DDX53: variants seen among roughly 807,000 people sequenced by gnomAD.
DDX53 encodes DEAD box protein 53.
For missense variants in DDX53, 481 were observed against 485.1 expected, an observed-to-expected ratio of 0.99 and a Z score of 0.08; for synonymous variants, 179 against 170.8, an observed-to-expected ratio of 1.05 and a Z score of -0.37.
chrX:23,000,310 A>G lies in DDX53; in HGVS notation c.253A>G (p.Ile85Val), dbSNP rs757593825. 1 of 1,206,755 alleles carries G rather than the reference A, an allele frequency of 8.3e-7. No homozygotes were observed. Among genetic ancestry groups the G allele is most frequent in the Non-Finnish European group, 1.1e-6 (1 of 893,903 alleles). Reference sequence around the variant, plus strand: ...TTCGACAAACACTAAAATACAGATCATAAACGGGGAATCTGAAGCAAAAGT... The same window carrying G: ...TTCGACAAACACTAAAATACAGATCGTAAACGGGGAATCTGAAGCAAAAGT... ...QHSTNTKIQI[I>V]NGESEAKVRI... Residue 85 changes from isoleucine to valine, a missense_variant, in exon 1 of 1, where the codon ATA (isoleucine) becomes GTA (valine). By Grantham distance (29) the Ile-to-Val change is conservative. Coordinates refer to ENST00000327968, the MANE Select transcript of DDX53 (RefSeq NM_182699.4).
rs2147256518 is a variant in DDX53 at position 23,001,716 on chromosome X, C to A, written c.1659C>A (p.His553Gln). Residue 553 changes from histidine (H) to glutamine (Q), a missense_variant, in exon 1 of 1, where the codon CAC (histidine) becomes CAA (glutamine). Physicochemically the swap from His to Gln is conservative, Grantham distance 24. Coordinates refer to ENST00000327968, the MANE Select transcript of DDX53 (RefSeq NM_182699.4). ...DFPRNIDVYV[H>Q]RVGYIGRTGK... ...CAAGGAATATTGACGTATATGTACA[C>A]AGAGTAGGGTACATTGGACGGACAG... 8.3e-7 allele frequency: 1 copy of A among 1,210,766 alleles called. No homozygotes were observed. Among genetic ancestry groups the A allele is most frequent in the Non-Finnish European group, 1.1e-6 (1 of 894,865 alleles).
chrX:23,002,005 A>G lies in DDX53; in HGVS notation c.*52A>G. 1.0e-6 allele frequency: 1 copy of G among 983,856 alleles called. No individual in the cohort carries two copies. Among genetic ancestry groups the G allele is most frequent in the South Asian group, 2.5e-5 (1 of 39,302 alleles). 81.1% of individuals were successfully genotyped at this position (983,856 alleles called of 1,213,427 possible). The stretch of plus-strand genomic sequence containing the variant: ...TCCAGGCATGTTAAAGATATGCAGT[A>G]TTGAATATATGTAAGGAAGTATTGG... On this transcript the variant is annotated 3_prime_UTR_variant, in exon 1 of 1. Coordinates refer to ENST00000327968, the MANE Select transcript of DDX53 (RefSeq NM_182699.4).
chrX:23,001,355 T>A lies in DDX53; in HGVS notation c.1298T>A (p.Leu433Gln). 8.3e-7 allele frequency: 1 copy of A among 1,211,214 alleles called. No homozygotes were observed. The highest frequency in any genetic ancestry group is 1.8e-5 in the South Asian group (1 of 56,892). The change falls in exon 1 of 1, where the codon CTG becomes CAG. Residue 433 changes from leucine to glutamine, a missense_variant. Coordinates refer to ENST00000327968, the MANE Select transcript of DDX53 (RefSeq NM_182699.4). ...CCTATGATTGTTTATGTTGGTAATC[T>A]GAATCTAGTGGCTGTAAATACAGTG... ...KDPMIVYVGN[L>Q]NLVAVNTVKQ... is the part of the protein sequence containing the mutation.
chrX:23,000,985 C>T lies in DDX53; in HGVS notation c.928C>T (p.Leu310Phe). The part of the protein sequence containing the change: ...LVLTPTRELA[L>F]HVEAECSKYS... ...CCTTACACCCACTAGAGAGTTGGCT[C>T]TTCACGTGGAAGCTGAATGTTCAAA... is the stretch of plus-strand genomic sequence containing the variant. The change falls in exon 1 of 1, where the codon CTT becomes TTT. Residue 310 changes from leucine (L) to phenylalanine (F), a missense_variant. Physicochemically the swap from Leu to Phe is conservative, Grantham distance 22 (BLOSUM62 0). Coordinates refer to ENST00000327968, the MANE Select transcript of DDX53 (RefSeq NM_182699.4). 8.3e-7 allele frequency: 1 copy of T among 1,208,571 alleles called. No individual in the cohort carries two copies. The highest frequency in any genetic ancestry group is 1.1e-6 in the Non-Finnish European group (1 of 894,062).
rs762814547 is a variant in DDX53 at position 23,002,709 on chromosome X, T to C, written c.*756T>C. ...TCTCAAAAATGAGAGAGTGAGAGAC[T>C]ATGTGAAGAGAAAGTAAATGTTATG... On this transcript the variant is annotated 3_prime_UTR_variant, in exon 1 of 1. Coordinates refer to ENST00000327968, the MANE Select transcript of DDX53 (RefSeq NM_182699.4). The C allele has an allele frequency of 1.7e-5, 2 of 120,573 alleles. No individual in the cohort carries two copies. Among genetic ancestry groups the C allele is most frequent in the South Asian group, 8.1e-4 (2 of 2,477 alleles). The allele number at this position is 120,573 out of a possible 1,213,427, so 9.9% of individuals were successfully genotyped here.
Position 23,001,652 on chromosome X carries a change from A to C in DDX53, c.1595A>C (p.Asp532Ala), listed in dbSNP as rs1268310939. ...ACTGATATAGTATCCCGAGGTCTTG[A>C]TCTTAATGATGTCACACATGTATAT... Reference protein sequence around the residue: ...ITTDIVSRGLDLNDVTHVYNY... With the variant: ...ITTDIVSRGLALNDVTHVYNY... Residue 532 changes from aspartate (D) to alanine (A), a missense_variant, in exon 1 of 1, where the codon GAT (aspartate) becomes GCT (alanine). By Grantham distance (126) the Asp-to-Ala change is moderately radical. Transcript: ENST00000327968. 7.4e-6 allele frequency: 9 copies of C among 1,211,529 alleles called. No homozygotes were observed. Among genetic ancestry groups the C allele is most frequent in the Non-Finnish European group, 1.0e-5 (9 of 895,291 alleles).
chrX:23,001,362 A>C lies in DDX53; in HGVS notation c.1305A>C (p.Leu435=). ...PMIVYVGNLN[L]VAVNTVKQNI... is the part of the protein sequence containing the mutation. ...TTGTTTATGTTGGTAATCTGAATCT[A>C]GTGGCTGTAAATACAGTGAAGCAAA... Residue 435 remains leucine, a synonymous_variant, in exon 1 of 1, where the codon CTA becomes CTC. Transcript: ENST00000327968. The C allele has an allele frequency of 2.5e-6, 3 of 1,211,089 alleles. No individual in the cohort carries two copies. The highest frequency in any genetic ancestry group is 3.4e-6 in the Non-Finnish European group (3 of 894,915).
rs1346537175 is a variant in DDX53, at chrX:23,000,794, C to T, written c.737C>T (p.Thr246Met). ...ATAAGGGTAGGGATTGTAAAGCCAA[C>T]GCCAATTCAGTCACAGGCATGGCCA... ...SIIRVGIVKP[T>M]PIQSQAWPII... Residue 246 changes from threonine to methionine, a missense_variant, in exon 1 of 1, where the codon ACG becomes ATG. Physicochemically the swap from Thr to Met is moderately conservative, Grantham distance 81. Coordinates refer to ENST00000327968, the MANE Select transcript of DDX53 (RefSeq NM_182699.4). 6 of 1,210,406 alleles carry T rather than the reference C, an allele frequency of 5.0e-6. No homozygotes were observed. The highest frequency in any genetic ancestry group is 5.6e-6 in the Non-Finnish European group (5 of 895,290).
Position 23,002,070 on chromosome X carries a change from T to C in DDX53, c.*117T>C, listed in dbSNP as rs1933823737. 1.9e-5 allele frequency: 11 copies of C among 573,901 alleles called. No individual in the cohort carries two copies. In the East Asian group the frequency reaches 4.2e-4, roughly 22 times the overall value. The allele number at this position is 573,901 out of a possible 1,213,427, so 47.3% of individuals were successfully genotyped here. On this transcript the variant is annotated 3_prime_UTR_variant, in exon 1 of 1. Coordinates refer to ENST00000327968, the MANE Select transcript of DDX53 (RefSeq NM_182699.4). The stretch of plus-strand genomic sequence containing the variant: ...TTTGAAGACATAACTAATTCTTAAA[T>C]AATACTGCTAAACTTTCAATATTGT...
In DDX53 at chrX:23,001,277, G is replaced by A; in HGVS notation, c.1220G>A (p.Ser407Asn). ...VRPDRQTVMT[S>N]ATWPDTVRQL... ...CCAGACCGACAGACTGTTATGACAA[G>A]TGCAACTTGGCCAGATACTGTACGT... The change falls in exon 1 of 1, where the codon AGT becomes AAT. Residue 407 changes from serine to asparagine, a missense_variant. Physicochemically the swap from Ser to Asn is conservative, Grantham distance 46. Coordinates refer to ENST00000327968, the MANE Select transcript of DDX53 (RefSeq NM_182699.4). 8.3e-7 allele frequency: 1 copy of A among 1,211,762 alleles called. No homozygotes were observed. The highest frequency in any genetic ancestry group is 1.7e-5 in the African/African-American group (1 of 57,896).
rs1291512595 is a variant in DDX53 at position 23,001,640 on chromosome X, C to T, written c.1583C>T (p.Ser528Phe). 1.1e-5 allele frequency: 13 copies of T among 1,209,261 alleles called. No individual in the cohort carries two copies. In the East Asian group the frequency reaches 1.2e-4, roughly 11 times the overall value. The change falls in exon 1 of 1, where the codon TCC becomes TTC. Residue 528 changes from serine to phenylalanine, a missense_variant. Transcript: ENST00000327968. ...ATACTGATTACAACTGATATAGTAT[C>T]CCGAGGTCTTGATCTTAATGATGTC... The part of the protein sequence containing the change: ...IKILITTDIV[S>F]RGLDLNDVTH...
Position 23,003,186 on chromosome X carries a change from C to G in DDX53, c.*1233C>G, listed in dbSNP as rs1357141740. The stretch of plus-strand genomic sequence containing the variant: ...TCTCTTTTCCCCCGAGCAGTTGGTG[C>G]CACAACAGTTCTTAAAGTTATTTCC... On this transcript the variant is annotated 3_prime_UTR_variant, in exon 1 of 1. Coordinates refer to ENST00000327968, the MANE Select transcript of DDX53 (RefSeq NM_182699.4). 8.1e-6 allele frequency: 1 copy of G among 123,866 alleles called. No homozygotes were observed. The highest frequency in any genetic ancestry group is 9.4e-5 in the Admixed American group (1 of 10,629). 10.2% of individuals were successfully genotyped at this position (123,866 alleles called of 1,213,427 possible). A position where few individuals can be genotyped will look rare whatever the true frequency, so the allele number is the denominator to read the frequency against.
chrX:23,002,660 G>A lies in DDX53; in HGVS notation c.*707G>A, dbSNP rs1208787613. On this transcript the variant is annotated 3_prime_UTR_variant, in exon 1 of 1. Transcript: ENST00000327968. ...GGGGTTTATCAACTTTCAATATTGT[G>A]TATGTTCCTTAATTTTAAAAAAGTC... is the stretch of plus-strand genomic sequence containing the variant. 10 of 117,647 alleles carry A rather than the reference G, an allele frequency of 8.5e-5. No homozygotes were observed. Among genetic ancestry groups the A allele is most frequent in the Middle Eastern group, 5.0e-3 (1 of 200 alleles). 9.7% of individuals were successfully genotyped at this position (117,647 alleles called of 1,213,427 possible).
rs1317538663 is a variant in DDX53 at position 23,000,001 on chromosome X, T to A, written c.-57T>A. 2 of 977,134 alleles carry A rather than the reference T, an allele frequency of 2.0e-6. No homozygotes were observed. Among genetic ancestry groups the A allele is most frequent in the East Asian group, 7.5e-5 (2 of 26,570 alleles). 80.5% of individuals were successfully genotyped at this position (977,134 alleles called of 1,213,427 possible). On this transcript the variant is annotated 5_prime_UTR_variant, in exon 1 of 1. Coordinates refer to ENST00000327968, the MANE Select transcript of DDX53 (RefSeq NM_182699.4). ...GGTGACGGGAAACAGGCCGCAGACCTGAACTTCCAACCGTATGTAGGCGAG... is the reference window on the plus strand; with the variant it reads ...GGTGACGGGAAACAGGCCGCAGACCAGAACTTCCAACCGTATGTAGGCGAG...
Position 23,000,990 on chromosome X carries a change from C to A in DDX53, c.933C>A (p.His311Gln), listed in dbSNP as rs967302685. 2.5e-6 allele frequency: 3 copies of A among 1,207,746 alleles called. No individual in the cohort carries two copies. The highest frequency in any genetic ancestry group is 3.4e-6 in the Non-Finnish European group (3 of 893,788). ...CACCCACTAGAGAGTTGGCTCTTCA[C>A]GTGGAAGCTGAATGTTCAAAGTATT... ...VLTPTRELAL[H>Q]VEAECSKYSY... The change falls in exon 1 of 1, where the codon CAC becomes CAA. Residue 311 changes from histidine to glutamine, a missense_variant. His to Gln is a conservative substitution (Grantham distance 24). Coordinates refer to ENST00000327968, the MANE Select transcript of DDX53 (RefSeq NM_182699.4).
rs778098443 is a variant in DDX53 at position 23,001,167 on chromosome X, A to T, written c.1110A>T (p.Ile370=). ...ATAACTCTGTCAACCTAAGAAGCATAACCTACTTGGTTATAGATGAGGCAG... is the reference window on the plus strand; with the variant it reads ...ATAACTCTGTCAACCTAAGAAGCATTACCTACTTGGTTATAGATGAGGCAG... ...QMNNSVNLRS[I]TYLVIDEADK... is the part of the protein sequence containing the mutation. Residue 370 remains isoleucine (I), a synonymous_variant, in exon 1 of 1, where the codon ATA becomes ATT. Transcript: ENST00000327968. The T allele has an allele frequency of 2.6e-5, 32 of 1,210,117 alleles. No homozygotes were observed. Among genetic ancestry groups the T allele is most frequent in the Non-Finnish European group, 3.2e-5 (29 of 895,206 alleles).
chrX:22,999,996 A>T lies in DDX53; in HGVS notation c.-62A>T, dbSNP rs185657892. On this transcript the variant is annotated 5_prime_UTR_variant, in exon 1 of 1. Transcript: ENST00000327968. ...CAGAAGGTGACGGGAAACAGGCCGC[A>T]GACCTGAACTTCCAACCGTATGTAG... The T allele has an allele frequency of 6.3e-6, 6 of 945,515 alleles. No individual in the cohort carries two copies. In the African/African-American group the frequency reaches 1.0e-4, roughly 16 times the overall value. 77.9% of individuals were successfully genotyped at this position (945,515 alleles called of 1,213,427 possible).
In DDX53 at chrX:23,002,112, T is replaced by G. The variant is rs1933824291; in HGVS notation, c.*159T>G. Reference sequence around the variant, plus strand: ...CAATATTGTGTATGCTCCTTAATTTTAAAAAAGTCTCAAAAATGAGAGAGT... The same window carrying G: ...CAATATTGTGTATGCTCCTTAATTTGAAAAAAGTCTCAAAAATGAGAGAGT... On this transcript the variant is annotated 3_prime_UTR_variant, in exon 1 of 1. Transcript: ENST00000327968. The G allele has an allele frequency of 2.4e-6, 1 of 416,011 alleles. No individual in the cohort carries two copies. Among genetic ancestry groups the G allele is most frequent in the Non-Finnish European group, 3.9e-6 (1 of 253,677 alleles). The allele number at this position is 416,011 out of a possible 1,213,427, so 34.3% of individuals were successfully genotyped here.
In DDX53 at chrX:23,003,476, G is replaced by A. The variant is rs956507936; in HGVS notation, c.*1523G>A. 2.4e-5 allele frequency: 3 copies of A among 122,881 alleles called. No homozygotes were observed. The highest frequency in any genetic ancestry group is 9.8e-5 in the African/African-American group (3 of 30,669). The allele number at this position is 122,881 out of a possible 1,213,427, so 10.1% of individuals were successfully genotyped here. The stretch of plus-strand genomic sequence containing the variant: ...GAGGTCTCTTTTACCTCTAAAATTC[G>A]GTGACATTATAACTAAAACTGTATA... On this transcript the variant is annotated 3_prime_UTR_variant, in exon 1 of 1. Transcript: ENST00000327968.
Sources: gnomAD v4.1 joint callset for allele counts on GRCh38, gnomAD v4.1.1 for gene constraint, MANE v1.5 for transcripts, NCBI Gene and HGNC (gene_info 2026-07-23, HGNC 2026-07-21) for gene names.